Variants in VWA8 observed in about 807,000 individuals in gnomAD.
The protein encoded by VWA8 is von Willebrand factor A domain containing 8.
VWA8 carries 221 observed loss-of-function variants against 241.5 expected under a neutral mutation model. That is an observed-to-expected ratio of 0.91 (90% CI 0.82 to 1.02). The LOEUF is 1.02. Ranked by LOEUF, VWA8 falls within the 50% of genes least tolerant of loss-of-function variation. The pLI, the probability that VWA8 is intolerant of heterozygous loss-of-function variation, is 0.00. For missense variants in VWA8, 2,322 were observed against 2,328.7 expected, an observed-to-expected ratio of 1.00 and a Z score of 0.06; for synonymous variants, 852 against 827.1, an observed-to-expected ratio of 1.03 and a Z score of -0.52.
intron 43 of VWA8, among the ~76,000 whole-genome samples, chr13:41,573,504 TATAC>T (rs1566372392): frequency 7.0e-6 from 1 of 142,180 alleles, no homozygotes; most frequent in African/African-American, 2.7e-5. Context: ...TATATATATA[TATAC>T]CTCTCTCTAT....
rs79189072 is a variant in VWA8, at chr13:41,741,308, C to G, written c.2427-9153G>C. ...TCACATACGATGAGGCCATACTGAG[C>G]TATTATAAATTCCTTACACACCGGG... On this transcript the variant is annotated intron_variant, in intron 21 of 44. Transcript: ENST00000379310. Among the ~76,000 whole-genome samples the G allele has an allele frequency of 3.6e-3, 549 of 152,294 alleles. 2 individuals are homozygous for G. Among genetic ancestry groups the G allele is most frequent in the African/African-American group, 0.012 (519 of 41,568 alleles).
At chr13:41,636,767 C>A (rs1395017573) in intron 37 of VWA8, among the ~76,000 whole-genome samples, 2 of 152,222 alleles carry the variant, frequency 1.3e-5, no homozygotes, top group Admixed American at 6.5e-5. Flanking sequence ...TATGAACAGA[C>A]ACTTTTCAGA....
chr13:41,761,469 T>A (rs1355836917), intron 20 of VWA8, among the ~76,000 whole-genome samples: 3 of 152,082 alleles, frequency 2.0e-5, no homozygotes, highest in Admixed American at 6.6e-5. Flanking sequence ...TATTGACTTT[T>A]CTGTTCTGTA....
chr13:41,823,850 A>C (rs560180810), intron 14 of VWA8, among the ~76,000 whole-genome samples: 3 of 152,356 alleles, frequency 2.0e-5, no homozygotes, highest in South Asian at 2.1e-4. Context: ...CAAAGAAGCC[A>C]AATATAATTG....
At chr13:41,651,682 T>G (rs1390472798) in intron 37 of VWA8, among the ~76,000 whole-genome samples, 2 of 152,216 alleles carry the variant, frequency 1.3e-5, no homozygotes, top group Non-Finnish European at 2.9e-5. Context: ...ATAATTATTT[T>G]TATCAACTGA....
At chr13:41,702,939 C>T (rs534016098) in intron 27 of VWA8, among the ~76,000 whole-genome samples, 12 of 152,240 alleles carry the variant, frequency 7.9e-5, no homozygotes, top group East Asian at 7.7e-4. Flanking sequence ...CAACTAGTAA[C>T]GGACAGTTCT....
intron 8 of VWA8, among the ~76,000 whole-genome samples, chr13:41,884,251 C>G (rs937798536): frequency 3.9e-5 from 6 of 152,202 alleles, no homozygotes; most frequent in Non-Finnish European, 1.5e-5. Context: ...TGGGAGACAA[C>G]TGAATCATGG....
At position 41,945,086 on chromosome 13, in the gene VWA8, T is replaced by A. The variant is rs145371982; in HGVS notation, c.241+4850A>T. ...GGTCCACACAAGCAGAAAGAAAAGG[T>A]TGAGACACAACTGTAAGCTACCTAT... On this transcript the variant is annotated intron_variant, in intron 2 of 44. Coordinates refer to ENST00000379310, the MANE Select transcript of VWA8 (RefSeq NM_015058.2). Among the ~76,000 whole-genome samples, 39 of 151,834 alleles carry A rather than the reference T, an allele frequency of 2.6e-4. No homozygotes were observed. In the East Asian group the frequency reaches 7.2e-3, roughly 28 times the overall value.
intron 37 of VWA8, among the ~76,000 whole-genome samples, chr13:41,621,379 G>A (rs1459662825): frequency 1.3e-5 from 2 of 152,132 alleles, no homozygotes; most frequent in Non-Finnish European, 2.9e-5. Flanking sequence ...GGTTTATTGG[G>A]ATGTAAGCCC....
chr13:41,891,274 G>T (rs1324071971), intron 5 of VWA8, 146 bp downstream of exon 5: 2 of 904,664 alleles, frequency 2.2e-6, no homozygotes, highest in South Asian at 1.8e-5. Flanking sequence ...TTGTAAAGCT[G>T]TAAATTCATG....
At position 41,721,398 on chromosome 13, in the gene VWA8, T is replaced by C; in HGVS notation, c.2936A>G (p.Glu979Gly). Residue 979 changes from glutamate to glycine, a missense_variant, in exon 25 of 45, where the codon GAA (glutamate) becomes GGA (glycine). Transcript: ENST00000379310. ...GIINYPYSTR[E>G]VVNIVKHLQK... Reference sequence around the variant, plus strand: ...TAAATGTTTGACTATGTTGACAACTTCTCTGGTAGAATAAGGATAGTTAAT... The same window carrying C: ...TAAATGTTTGACTATGTTGACAACTCCTCTGGTAGAATAAGGATAGTTAAT... 1 of 1,613,806 alleles carries C rather than the reference T, an allele frequency of 6.2e-7. No homozygotes were observed. The highest frequency in any genetic ancestry group is 8.5e-7 in the Non-Finnish European group (1 of 1,179,786).
Position 41,692,967 on chromosome 13 carries a change from A to G in VWA8, c.3570T>C (p.Asn1190=). The G allele has an allele frequency of 6.3e-7, 1 of 1,599,630 alleles. No homozygotes were observed. Among genetic ancestry groups the G allele is most frequent in the Middle Eastern group, 1.7e-4 (1 of 6,008 alleles). Residue 1190 remains asparagine (N), a synonymous_variant, in exon 30 of 45, where the codon AAT becomes AAC. Transcript: ENST00000379310. ...GQVVLHEQQS[N]VILLLDTTGR... Reference sequence around the variant, plus strand: ...CAGTAGTATCTAACAACAGGATAACATTACTCTGCAAATGATAAAAACAGT... The same window carrying G: ...CAGTAGTATCTAACAACAGGATAACGTTACTCTGCAAATGATAAAAACAGT...
At chr13:41,673,783 A>T (rs2045041610) in intron 36 of VWA8, among the ~76,000 whole-genome samples, 2 of 152,172 alleles carry the variant, frequency 1.3e-5, no homozygotes, top group Admixed American at 1.3e-4. Flanking sequence ...GTGCAGCCCT[A>T]ACTGAATGAA....
intron 2 of VWA8, chr13:41,926,865 G>C: frequency 1.7e-6 from 1 of 577,096 alleles, no homozygotes; most frequent in South Asian, 1.4e-5. Flanking sequence ...TATCTGTGTG[G>C]CAAAAGCTGT....
intron 20 of VWA8, among the ~76,000 whole-genome samples, chr13:41,771,647 C>T (rs1370810651): frequency 6.6e-6 from 1 of 152,132 alleles, no homozygotes; most frequent in Non-Finnish European, 1.5e-5. Flanking sequence ...GGAACAATCT[C>T]AGTTCACTGC....
At chr13:41,799,733 GC>G (rs1444300841) in intron 17 of VWA8, among the ~76,000 whole-genome samples, 1 of 152,020 alleles carries the variant, frequency 6.6e-6, no homozygotes, top group Non-Finnish European at 1.5e-5. Flanking sequence ...TTCTGGTATT[GC>G]TTTTTACTTC....
chr13:41,576,530 A>AAAAT (rs748160322), intron 42 of VWA8, among the ~76,000 whole-genome samples: 13 of 152,238 alleles, frequency 8.5e-5, no homozygotes, highest in Non-Finnish European at 1.5e-4. Context: ...TTGTTATGCA[A>AAAAT]AAATAGGAAG....
At chr13:41,739,072 T>C (rs1018006771) in intron 21 of VWA8, among the ~76,000 whole-genome samples, 1 of 152,190 alleles carries the variant, frequency 6.6e-6, no homozygotes, top group Non-Finnish European at 1.5e-5. Flanking sequence ...CAACAAATAT[T>C]TATTGAATAC....
intron 30 of VWA8, 133 bp downstream of exon 30, chr13:41,692,729 C>T (rs1026604125): frequency 3.7e-5 from 22 of 591,460 alleles, no homozygotes; most frequent in South Asian, 1.8e-4. Context: ...AAAATCTATA[C>T]GTGCATAACA....
Sources: allele counts gnomAD v4.1 joint callset (sites outside exome capture counted in the v4.1 genomes callset), GRCh38; gene constraint gnomAD v4.1.1; transcripts MANE v1.5; gene names NCBI Gene and HGNC (gene_info 2026-07-23, HGNC 2026-07-21).